AFF3: variants seen among roughly 807,000 people sequenced by gnomAD.
AFF3 encodes the protein AF4/FMR2 family member 3.
A neutral mutation model predicts 129.7 loss-of-function variants in AFF3; 32 were observed. That is an observed-to-expected ratio of 0.25 (90% CI 0.19 to 0.33). AFF3 has a LOEUF of 0.33. Among genes scored for constraint, AFF3 ranks in the 10% least tolerant of loss-of-function variants. The probability of loss-of-function intolerance (pLI) is 1.00; values close to 1 mark genes in which losing one functional copy is unlikely to be tolerated. For missense variants in AFF3, 1,373 were observed against 1,592.0 expected (o/e 0.86, Z 2.34); for synonymous variants, 644 against 635.4 (o/e 1.01, Z -0.20).
intron 7 of AFF3, among the ~76,000 whole-genome samples, chr2:99,977,909 C>G (rs897439776): frequency 6.6e-6 from 1 of 152,204 alleles, no homozygotes; most frequent in Non-Finnish European, 1.5e-5. Context: ...TGCTGGAGCT[C>G]CTCCAGAAAG....
intron 11 of AFF3, among the ~76,000 whole-genome samples, chr2:99,684,156 A>G (rs1674802987): frequency 6.6e-6 from 1 of 152,200 alleles, no homozygotes; most frequent in Non-Finnish European, 1.5e-5. Context: ...AGCTTTCTCC[A>G]CCTAAGCTCA....
chr2:99,858,382 CA>C (rs34454669), intron 7 of AFF3, among the ~76,000 whole-genome samples: 1,781 of 82,418 alleles, frequency 0.022, 9 homozygotes, highest in South Asian at 0.027. Context: ...CCTGTTTCTA[CA>C]AAAAAAAAAA....
chr2:100,127,254 G>A (rs1180363962), intron 2 of AFF3, among the ~76,000 whole-genome samples: 1 of 152,194 alleles, frequency 6.6e-6, no homozygotes, highest in Non-Finnish European at 1.5e-5. Flanking sequence ...TTTTAATCTG[G>A]ATGTTCAGTC....
chr2:99,554,843 G>A, intron 22 of AFF3, 111 bp from the exon 23 acceptor site: 1 of 1,219,588 alleles, frequency 8.2e-7, no homozygotes, highest in Admixed American at 2.0e-5. Flanking sequence ...GACACTGCAG[G>A]AAAAAGGCAC....
At chr2:100,095,897 A>G (rs1274139879) in intron 4 of AFF3, among the ~76,000 whole-genome samples, 4 of 152,214 alleles carry the variant, frequency 2.6e-5, no homozygotes, top group Non-Finnish European at 4.4e-5. Flanking sequence ...AACGGCGCAG[A>G]GAGAAGAAGG....
chr2:99,760,457 T>G (rs10175788), intron 8 of AFF3, among the ~76,000 whole-genome samples: 132,471 of 152,220 alleles, frequency 0.87, 57,681 homozygotes, highest in South Asian at 0.93. Flanking sequence ...TTGCACCTCA[T>G]TTCTGGTAAT....
intron 4 of AFF3, among the ~76,000 whole-genome samples, chr2:100,060,601 TA>T (rs569093652): frequency 5.7e-4 from 87 of 152,302 alleles, no homozygotes; most frequent in African/African-American, 2.0e-3. Context: ...TAAAAATATT[TA>T]AAAATTCTAC....
chr2:99,626,322 C>CTTCCTTCCTTCCCTCCTCTCTCT (rs1682542677), intron 13 of AFF3, among the ~76,000 whole-genome samples: 1 of 148,224 alleles, frequency 6.7e-6, no homozygotes. Context: ...CCCTCCCTTC[C>CTTCCTTCCTTCCCTCCTCTCTCT]TTCCTTCCTT....
chr2:99,901,143 A>G (rs565674579), intron 7 of AFF3, among the ~76,000 whole-genome samples: 1 of 152,334 alleles, frequency 6.6e-6, no homozygotes, highest in African/African-American at 2.4e-5. Flanking sequence ...TCATGACACT[A>G]AAGAAATAAG....
intron 11 of AFF3, among the ~76,000 whole-genome samples, chr2:99,681,594 C>A (rs914550971): frequency 2.0e-5 from 3 of 152,122 alleles, no homozygotes; most frequent in Non-Finnish European, 4.4e-5. Context: ...GGGATTAGTG[C>A]CCCTGTAAGA....
chr2:99,882,055 G>A (rs916825737), intron 7 of AFF3, among the ~76,000 whole-genome samples: 1 of 148,466 alleles, frequency 6.7e-6, no homozygotes, highest in Non-Finnish European at 1.5e-5. Flanking sequence ...TCATTTGCCT[G>A]TCTCTCTCTC....
chr2:100,066,374 G>A (rs570032857), intron 4 of AFF3, among the ~76,000 whole-genome samples: 303 of 152,268 alleles, frequency 2.0e-3, no homozygotes, highest in African/African-American at 6.9e-3. Context: ...GGTAATGAAC[G>A]AGCCAGTGAC....
chr2:99,748,830 T>A (rs1169966409), intron 9 of AFF3, among the ~76,000 whole-genome samples: 1 of 152,232 alleles, frequency 6.6e-6, no homozygotes, highest in African/African-American at 2.4e-5. Context: ...ATTATTACTT[T>A]CTTGACCCAA....
At chr2:99,642,442 C>G (rs945233241) in intron 13 of AFF3, among the ~76,000 whole-genome samples, 1 of 152,194 alleles carries the variant, frequency 6.6e-6, no homozygotes, top group African/African-American at 2.4e-5. Context: ...CCCTCATCAT[C>G]TACCTGTGAT....
intron 8 of AFF3, among the ~76,000 whole-genome samples, chr2:99,764,833 GT>G (rs1179059818): frequency 1.3e-5 from 2 of 152,080 alleles, no homozygotes; most frequent in Non-Finnish European, 2.9e-5. Context: ...ACACCTGCTA[GT>G]TTCTGGCACT....
chr2:100,116,586 T>C (rs1244048911), intron 2 of AFF3, among the ~76,000 whole-genome samples: 1 of 152,188 alleles, frequency 6.6e-6, no homozygotes, highest in Non-Finnish European at 1.5e-5. Context: ...TATTAATTGT[T>C]ATTTTTATTT....
At chr2:99,788,074 C>A (rs988467993) in intron 8 of AFF3, among the ~76,000 whole-genome samples, 3 of 152,010 alleles carry the variant, frequency 2.0e-5, no homozygotes, top group Non-Finnish European at 4.4e-5. Flanking sequence ...GTGATGCTGG[C>A]GTAAATAAAC....
At chr2:100,074,246 CT>C (rs970495283) in intron 4 of AFF3, among the ~76,000 whole-genome samples, 39 of 152,194 alleles carry the variant, frequency 2.6e-4, no homozygotes, top group African/African-American at 9.2e-4. Context: ...ACTTCCTGAG[CT>C]CCTGGACTTT....
rs1441939136 is a variant in AFF3 at position 100,129,302 on chromosome 2, A to C, written c.-223T>G. 1 of 152,050 alleles carries C rather than the reference A, an allele frequency of 6.6e-6. No individual in the cohort carries two copies. The highest frequency in any genetic ancestry group is 2.4e-5 in the African/African-American group (1 of 41,400). 9.4% of individuals were successfully genotyped at this position (152,050 alleles called of 1,614,324 possible). Reference sequence around the variant, plus strand: ...GTAAGGTCTAAATCATATGTGTGAAACTTTCTGCAAAACAAAAGCGATTGG... The same window carrying C: ...GTAAGGTCTAAATCATATGTGTGAACCTTTCTGCAAAACAAAAGCGATTGG... On this transcript the variant is annotated 5_prime_UTR_variant, in exon 2 of 25. Coordinates refer to ENST00000672756, the MANE Select transcript of AFF3 (RefSeq NM_001386135.1).
Sources: allele counts gnomAD v4.1 joint callset (sites outside exome capture counted in the v4.1 genomes callset), GRCh38; gene constraint gnomAD v4.1.1; transcripts MANE v1.5; gene names NCBI Gene and HGNC (gene_info 2026-07-23, HGNC 2026-07-21).